RGPD2: variants seen among roughly 807,000 people sequenced by gnomAD.
RGPD2 encodes RANBP2 like and GRIP domain containing 2.
RGPD2 carries 2 observed loss-of-function variants against 36.0 expected under a neutral mutation model. The observed-to-expected ratio is 0.06, with a 90% CI of 0.02 to 0.17. The LOEUF is 0.17. RGPD2 is among the 10% of genes least tolerant of loss of function. The probability of loss-of-function intolerance (pLI) is 1.00; values close to 1 mark genes in which losing one functional copy is unlikely to be tolerated. For synonymous variants in RGPD2, 19 were observed against 163.8 expected, an observed-to-expected ratio of 0.12 and a Z score of 6.75; for missense variants, 40 against 464.3, an observed-to-expected ratio of 0.09 and a Z score of 8.40.
At chr2:87,944,656 G>C in the RGPD2 span, among the ~76,000 whole-genome samples, 1 of 120,872 alleles carries the variant, frequency 8.3e-6, no homozygotes. Flanking sequence ...TTTTTTTTTG[G>C]TCAGAAATCA....
At chr2:87,846,219 G>T in the RGPD2 span, among the ~76,000 whole-genome samples, 2 of 151,574 alleles carry the variant, frequency 1.3e-5, no homozygotes, top group South Asian at 4.2e-4. Flanking sequence ...CTTATTTAAG[G>T]AGTACAATTC....
chr2:87,857,814 CTTTG>C, the RGPD2 span, among the ~76,000 whole-genome samples: 2 of 146,922 alleles, frequency 1.4e-5, no homozygotes, highest in South Asian at 2.2e-4. Flanking sequence ...TGTTTTATGA[CTTTG>C]TTTATGTTCT....
At chr2:87,860,914 T>C in the RGPD2 span, among the ~76,000 whole-genome samples, 1 of 151,496 alleles carries the variant, frequency 6.6e-6, no homozygotes, top group East Asian at 2.0e-4. Context: ...TATGATTTTA[T>C]TAGCCCCCTT....
At chr2:87,918,496 C>A in the RGPD2 span, among the ~76,000 whole-genome samples, 1 of 150,622 alleles carries the variant, frequency 6.6e-6, no homozygotes, top group African/African-American at 2.5e-5. Flanking sequence ...TCCAAGACTG[C>A]AGGACATATT....
chr2:87,834,661 A>G, the RGPD2 span, among the ~76,000 whole-genome samples: 2 of 152,090 alleles, frequency 1.3e-5, no homozygotes, highest in Non-Finnish European at 2.9e-5. Flanking sequence ...TGTAACACAT[A>G]AACATTGCTG....
the RGPD2 span, among the ~76,000 whole-genome samples, chr2:87,961,732 G>A: frequency 7.2e-5 from 10 of 139,374 alleles, no homozygotes; most frequent in South Asian, 2.4e-4. Flanking sequence ...CTCAAATCCC[G>A]CAGTCAGTCC....
intron 21 of RGPD2, among the ~76,000 whole-genome samples, chr2:87,773,122 G>GTGAAC (rs1685179314): frequency 1.6e-5 from 2 of 127,902 alleles, no homozygotes; most frequent in Admixed American, 8.3e-5. Flanking sequence ...GACGTCCACA[G>GTGAAC]TGAACGGCAC....
the RGPD2 span, among the ~76,000 whole-genome samples, chr2:87,869,362 T>TAC: frequency 1.2e-5 from 1 of 82,776 alleles, no homozygotes; most frequent in East Asian, 3.0e-4. Context: ...ATCTTTTCTG[T>TAC]ACACACACAT....
chr2:87,957,266 A>G, the RGPD2 span, among the ~76,000 whole-genome samples: 12 of 145,320 alleles, frequency 8.3e-5, no homozygotes, highest in Non-Finnish European at 1.5e-4. Context: ...GAGATTTATA[A>G]GAAGAGACAC....
the RGPD2 span, among the ~76,000 whole-genome samples, chr2:87,841,376 A>G: frequency 1.2e-4 from 19 of 152,236 alleles, no homozygotes; most frequent in East Asian, 3.7e-3. Flanking sequence ...TGAGTCAATT[A>G]AACCTGTTTT....
intron 20 of RGPD2, among the ~76,000 whole-genome samples, chr2:87,777,592 C>CCCAG (rs1446500187): frequency 6.7e-6 from 1 of 149,034 alleles, no homozygotes. Context: ...CAGTTAAGAG[C>CCCAG]CCAGAATCCA....
chr2:87,923,539 A>T, the RGPD2 span, among the ~76,000 whole-genome samples: 1 of 152,140 alleles, frequency 6.6e-6, no homozygotes, highest in African/African-American at 2.4e-5. Flanking sequence ...CGTATGGTAC[A>T]CTGGAAAATA....
At chr2:87,878,732 A>T in the RGPD2 span, among the ~76,000 whole-genome samples, 1 of 152,136 alleles carries the variant, frequency 6.6e-6, no homozygotes, top group Non-Finnish European at 1.5e-5. Flanking sequence ...TAATTTCTCC[A>T]TCCAAACGCT....
At chr2:87,824,506 C>T (rs1189326223) in intron 1 of RGPD2, among the ~76,000 whole-genome samples, 1 of 151,940 alleles carries the variant, frequency 6.6e-6, no homozygotes, top group Non-Finnish European at 1.5e-5. Flanking sequence ...GCCACTGCCT[C>T]TTCTCCCTCC....
chr2:87,760,896 C>T (rs911576239), intron 22 of RGPD2, among the ~76,000 whole-genome samples: 6 of 150,096 alleles, frequency 4.0e-5, no homozygotes, highest in South Asian at 2.1e-4. Context: ...GCATTATAGG[C>T]GTAAGCCACC....
chr2:87,868,848 C>A, the RGPD2 span, among the ~76,000 whole-genome samples: 4 of 152,128 alleles, frequency 2.6e-5, no homozygotes, highest in African/African-American at 9.7e-5. Flanking sequence ...CTCCAAATGA[C>A]CCTCTTTAAA....
chr2:87,957,393 G>T, the RGPD2 span, among the ~76,000 whole-genome samples: 1 of 151,388 alleles, frequency 6.6e-6, no homozygotes. Flanking sequence ...TATCATGCTG[G>T]CCTCTTGACA....
the RGPD2 span, among the ~76,000 whole-genome samples, chr2:87,864,421 C>G: frequency 1.3e-5 from 2 of 152,252 alleles, no homozygotes; most frequent in Non-Finnish European, 2.9e-5. Context: ...AACATCAACT[C>G]CCCTGATGCT....
chr2:87,940,179 C>T, the RGPD2 span, among the ~76,000 whole-genome samples: 97 of 152,034 alleles, frequency 6.4e-4, no homozygotes, highest in African/African-American at 1.9e-3. Context: ...AATATAATTT[C>T]TCTCTGAACC....
Sources: allele counts gnomAD v4.1 joint callset (sites outside exome capture counted in the v4.1 genomes callset), GRCh38; gene constraint gnomAD v4.1.1; transcripts MANE v1.5; gene names NCBI Gene and HGNC (gene_info 2026-07-23, HGNC 2026-07-21).